Variants in MTCL3 observed in about 807,000 individuals in gnomAD.
MTCL3 encodes MTCL family member 3, also known as microtubule cross-linking factor 3.
At chr6:127,475,198 G>C in the MTCL3 span, 1 of 1,362,788 alleles carries the variant, frequency 7.3e-7, no homozygotes, top group South Asian at 1.4e-5. This position sits in a 1 kb window ranked among gnomAD's most constrained non-coding sequence, Gnocchi z 7.3. Flanking sequence ...CCCTCAAGCG[G>C]GGCGCGGCAG....
chr6:127,492,769 G>A, the MTCL3 span, among the ~76,000 whole-genome samples: 3 of 152,238 alleles, frequency 2.0e-5, no homozygotes, highest in East Asian at 3.9e-4. Context: ...TGATCCACTC[G>A]CCTCGGCCTC....
At chr6:127,510,056 C>T in the MTCL3 span, among the ~76,000 whole-genome samples, 1 of 152,136 alleles carries the variant, frequency 6.6e-6, no homozygotes, top group Non-Finnish European at 1.5e-5. Flanking sequence ...ATCTTCCACT[C>T]TTTCTCCCTT....
chr6:127,491,060 T>C, the MTCL3 span, among the ~76,000 whole-genome samples: 206 of 152,312 alleles, frequency 1.4e-3, 3 homozygotes, highest in Non-Finnish European at 2.5e-3. Context: ...TGAGGAGTTG[T>C]TTCTTATAGA....
the MTCL3 span, chr6:127,515,494 G>A: frequency 2.8e-6 from 4 of 1,409,456 alleles, no homozygotes; most frequent in Non-Finnish European, 3.7e-6. This position sits in a 1 kb window ranked among gnomAD's most constrained non-coding sequence, Gnocchi z 4.3. Context: ...CCCCCAGCCG[G>A]GTCCCCCCAC....
the MTCL3 span, among the ~76,000 whole-genome samples, chr6:127,476,761 T>G: frequency 6.6e-6 from 1 of 152,270 alleles, no homozygotes. The surrounding 1 kb of genome is among the most constrained non-coding windows in gnomAD (Gnocchi z 4.4). Flanking sequence ...TACAACTGTT[T>G]GGTGATCATT....
the MTCL3 span, among the ~76,000 whole-genome samples, chr6:127,506,870 C>T: frequency 1.9e-3 from 287 of 152,246 alleles, 1 homozygote; most frequent in African/African-American, 6.3e-3. Flanking sequence ...TGAGCCACCA[C>T]GCCCGGCCTC....
At chr6:127,495,860 C>A in the MTCL3 span, among the ~76,000 whole-genome samples, 9 of 152,168 alleles carry the variant, frequency 5.9e-5, no homozygotes, top group African/African-American at 2.2e-4. Flanking sequence ...TCCAGTTTCA[C>A]TTGAAACACT....
the MTCL3 span, among the ~76,000 whole-genome samples, chr6:127,479,617 G>A: frequency 6.6e-6 from 1 of 152,188 alleles, no homozygotes; most frequent in East Asian, 1.9e-4. Context: ...TCTGATTTGT[G>A]TGTATGTAAG....
At chr6:127,505,388 G>A in the MTCL3 span, among the ~76,000 whole-genome samples, 1 of 152,180 alleles carries the variant, frequency 6.6e-6, no homozygotes, top group Admixed American at 6.5e-5. Context: ...GGAGCTGGAG[G>A]CCATTATCCT....
At chr6:127,475,925 G>A in the MTCL3 span, 4 of 1,613,094 alleles carry the variant, frequency 2.5e-6, no homozygotes, top group Non-Finnish European at 3.4e-6. This position sits in a 1 kb window ranked among gnomAD's most constrained non-coding sequence, Gnocchi z 7.3. Flanking sequence ...TCCTCCTGCA[G>A]GGCCTCGGTC....
the MTCL3 span, among the ~76,000 whole-genome samples, chr6:127,506,946 T>C: frequency 2.0e-5 from 3 of 152,128 alleles, no homozygotes; most frequent in Non-Finnish European, 4.4e-5. Flanking sequence ...AGTAACTATA[T>C]AAGTAATATA....
chr6:127,513,884 T>A, the MTCL3 span, among the ~76,000 whole-genome samples: 1 of 152,162 alleles, frequency 6.6e-6, no homozygotes, highest in Admixed American at 6.5e-5. Flanking sequence ...GAAATAATAA[T>A]GTATGTAACA....
chr6:127,515,100 GAC>G, the MTCL3 span: 35 of 1,484,572 alleles, frequency 2.4e-5, no homozygotes, highest in Middle Eastern at 1.7e-4. This position sits in a 1 kb window ranked among gnomAD's most constrained non-coding sequence, Gnocchi z 4.3. Flanking sequence ...CAGCCCTTCC[GAC>G]ACACACCGTA....
At chr6:127,475,973 C>T in the MTCL3 span, 1 of 1,611,194 alleles carries the variant, frequency 6.2e-7, no homozygotes, top group Non-Finnish European at 8.5e-7. The surrounding 1 kb of genome is among the most constrained non-coding windows in gnomAD (Gnocchi z 7.3). Context: ...TCGTGGCCGC[C>T]GGACTTGTAC....
chr6:127,473,250 A>G, the MTCL3 span: 1 of 1,484,302 alleles, frequency 6.7e-7, no homozygotes, highest in East Asian at 2.7e-5. Context: ...CAAACTGAAA[A>G]TACTACAATG....
At chr6:127,515,571 C>A in the MTCL3 span, 1 of 1,455,710 alleles carries the variant, frequency 6.9e-7, no homozygotes, top group Non-Finnish European at 9.0e-7. The surrounding 1 kb of genome is among the most constrained non-coding windows in gnomAD (Gnocchi z 4.3). Context: ...TTTCTTCCTG[C>A]TCTTGGAGCT....
At chr6:127,492,688 T>A in the MTCL3 span, among the ~76,000 whole-genome samples, 45 of 151,920 alleles carry the variant, frequency 3.0e-4, no homozygotes, top group African/African-American at 1.0e-3. Context: ...ACCCGGCTAA[T>A]TTTTTGTATT....
At chr6:127,474,803 T>C in the MTCL3 span, among the ~76,000 whole-genome samples, 2 of 152,158 alleles carry the variant, frequency 1.3e-5, no homozygotes, top group South Asian at 2.1e-4. Context: ...GGACTCGAAC[T>C]CCTGAGCTCA....
At chr6:127,495,428 G>A in the MTCL3 span, among the ~76,000 whole-genome samples, 1 of 152,176 alleles carries the variant, frequency 6.6e-6, no homozygotes, top group East Asian at 1.9e-4. Flanking sequence ...AAAAAAAACT[G>A]TGGCCAACAT....
Sources: allele counts gnomAD v4.1 joint callset (sites outside exome capture counted in the v4.1 genomes callset), GRCh38; gene constraint gnomAD v4.1.1; non-coding constraint Gnocchi (gnomAD v3.1); transcripts MANE v1.5; gene names NCBI Gene and HGNC (gene_info 2026-07-23, HGNC 2026-07-21).